The following GALNT17 variants were observed in gnomAD, a reference collection of about 807,000 sequenced individuals.
The protein encoded by GALNT17 is UDP-GalNAc:polypeptide N-acetylgalactosaminyltransferase-like 3.
Under a neutral mutation model 63.7 loss-of-function variants are expected in GALNT17, and 29 were observed. The observed-to-expected ratio is 0.46, with a 90% CI of 0.34 to 0.62. The LOEUF (loss-of-function observed/expected upper bound fraction) is 0.62, where lower values mean the gene tolerates loss of function less well. Ranked by LOEUF, GALNT17 falls within the 20% of genes least tolerant of loss-of-function variation. The pLI is 0.01. For missense variants in GALNT17, 603 were observed against 799.6 expected (o/e 0.75, Z 2.97); for synonymous variants, 305 against 318.3 (o/e 0.96, Z 0.45).
intron 3 of GALNT17, among the ~76,000 whole-genome samples, chr7:71,406,466 A>G (rs74778403): frequency 0.034 from 5,104 of 152,208 alleles, 142 homozygotes; most frequent in East Asian, 0.11. Context: ...TGTAAATTTC[A>G]GGTCCCACAA....
At chr7:71,257,413 TC>T (rs576076295) in intron 1 of GALNT17, among the ~76,000 whole-genome samples, 2 of 152,332 alleles carry the variant, frequency 1.3e-5, no homozygotes, top group South Asian at 4.1e-4. Flanking sequence ...ATTTTTCTTC[TC>T]CAAAGATGAG....
At chr7:71,146,301 A>G (rs999769460) in intron 1 of GALNT17, among the ~76,000 whole-genome samples, 40 of 152,126 alleles carry the variant, frequency 2.6e-4, no homozygotes, top group African/African-American at 9.4e-4. Context: ...CCGCTGGGAT[A>G]TGCTGAGGCC....
At chr7:71,479,494 G>A (rs1367631836) in intron 5 of GALNT17, among the ~76,000 whole-genome samples, 4 of 152,080 alleles carry the variant, frequency 2.6e-5, no homozygotes, top group Admixed American at 6.5e-5. Context: ...ATTCAGGCAA[G>A]ATAATTTGTG....
At chr7:71,499,284 A>G (rs1215633184) in intron 5 of GALNT17, among the ~76,000 whole-genome samples, 4 of 152,198 alleles carry the variant, frequency 2.6e-5, no homozygotes, top group African/African-American at 9.6e-5. Flanking sequence ...TTTTGCATGA[A>G]CCAATAACAT....
chr7:71,288,292 T>A (rs1248309629), intron 1 of GALNT17, among the ~76,000 whole-genome samples: 1 of 149,348 alleles, frequency 6.7e-6, no homozygotes, highest in African/African-American at 2.5e-5. Flanking sequence ...TGTATCGTCA[T>A]AAAGGTCTTC....
intron 1 of GALNT17, among the ~76,000 whole-genome samples, chr7:71,255,103 A>C (rs1399373883): frequency 6.6e-6 from 1 of 152,174 alleles, no homozygotes; most frequent in African/African-American, 2.4e-5. Context: ...TCATCCATTC[A>C]ACAAAATATT....
intron 6 of GALNT17, among the ~76,000 whole-genome samples, chr7:71,664,400 A>G (rs1307019915): frequency 1.3e-5 from 2 of 152,282 alleles, no homozygotes; most frequent in African/African-American, 4.8e-5. Context: ...GCTTGAGACC[A>G]GGAGTGTGAG....
chr7:71,392,110 A>C (rs1280699472), intron 3 of GALNT17, among the ~76,000 whole-genome samples: 1 of 152,174 alleles, frequency 6.6e-6, no homozygotes, highest in Non-Finnish European at 1.5e-5. Context: ...TGAGATTTGG[A>C]GGGGACAAAT....
intron 9 of GALNT17, among the ~76,000 whole-genome samples, chr7:71,695,386 C>T (rs1562739877): frequency 1.3e-5 from 2 of 152,150 alleles, no homozygotes; most frequent in African/African-American, 4.8e-5. Flanking sequence ...CATGATGAGT[C>T]ATATGGCAGA....
At chr7:71,456,573 G>GGGCATGGT (rs1401762413) in intron 5 of GALNT17, among the ~76,000 whole-genome samples, 6 of 151,782 alleles carry the variant, frequency 4.0e-5, no homozygotes, top group Non-Finnish European at 5.9e-5. Flanking sequence ...AAACTTAGCC[G>GGGCATGGT]GGCATGGTGG....
intron 1 of GALNT17, among the ~76,000 whole-genome samples, chr7:71,188,976 G>GA (rs368779470): frequency 7.8e-4 from 118 of 152,172 alleles, no homozygotes; most frequent in African/African-American, 2.5e-3. Context: ...TCTTGAAGAA[G>GA]AAAAAATGAG....
chr7:71,667,794 T>C (rs1241765263), intron 7 of GALNT17, among the ~76,000 whole-genome samples: 1 of 128,490 alleles, frequency 7.8e-6, no homozygotes, highest in African/African-American at 2.9e-5. Context: ...ATTCCTGTTT[T>C]ATAAAGGGGA....
At chr7:71,318,072 G>A (rs1791532049) in intron 1 of GALNT17, among the ~76,000 whole-genome samples, 1 of 151,664 alleles carries the variant, frequency 6.6e-6, no homozygotes, top group African/African-American at 2.4e-5. Context: ...CGCCCGACTA[G>A]TTTTTTGTAT....
chr7:71,320,610 G>A lies in GALNT17; in HGVS notation c.239-14940G>A, dbSNP rs1334558560. On this transcript the variant is annotated intron_variant, in intron 1 of 10. Coordinates refer to ENST00000333538, the MANE Select transcript of GALNT17 (RefSeq NM_022479.3). ...AAGTAAATGGGATCTTGCCAAGAGG[G>A]TCTTTTTATGAAGAATTGGATGTGT... Among the ~76,000 whole-genome samples the A allele has an allele frequency of 3.3e-5, 5 of 152,180 alleles. No individual in the cohort carries two copies. In the East Asian group the frequency reaches 9.7e-4, roughly 29 times the overall value.
intron 5 of GALNT17, among the ~76,000 whole-genome samples, chr7:71,479,224 G>A (rs1787773956): frequency 6.6e-6 from 1 of 151,644 alleles, no homozygotes; most frequent in Non-Finnish European, 1.5e-5. Context: ...GCTTTGCTCA[G>A]TTCATGATGA....
intron 6 of GALNT17, among the ~76,000 whole-genome samples, chr7:71,596,959 A>G (rs1789895680): frequency 6.6e-6 from 1 of 152,044 alleles, no homozygotes; most frequent in African/African-American, 2.4e-5. Flanking sequence ...AGGCCCATGC[A>G]GGAGAATCAC....
At chr7:71,139,901 G>C (rs1562854523) in intron 1 of GALNT17, among the ~76,000 whole-genome samples, 1 of 152,204 alleles carries the variant, frequency 6.6e-6, no homozygotes, top group Non-Finnish European at 1.5e-5. Flanking sequence ...GTTGAGGCAA[G>C]ATAATTTGCT....
At chr7:71,588,699 C>T (rs1023128173) in intron 6 of GALNT17, among the ~76,000 whole-genome samples, 3 of 152,160 alleles carry the variant, frequency 2.0e-5, no homozygotes, top group African/African-American at 7.2e-5. Context: ...ACAACCCATA[C>T]TCCCAGAGAA....
chr7:71,228,979 C>G (rs542655027), intron 1 of GALNT17, among the ~76,000 whole-genome samples: 1 of 152,254 alleles, frequency 6.6e-6, no homozygotes, highest in South Asian at 2.1e-4. Flanking sequence ...TGTTCAGTTC[C>G]CCTATGCCTG....
Sources: gnomAD v4.1 joint callset for allele counts (sites outside exome capture counted in the v4.1 genomes callset) on GRCh38, gnomAD v4.1.1 for gene constraint, MANE v1.5 for transcripts, NCBI Gene and HGNC (gene_info 2026-07-23, HGNC 2026-07-21) for gene names.